Variants in ZNF384 observed in about 807,000 individuals in gnomAD.
ZNF384 encodes the protein CAG repeat protein 1.
In ZNF384, 20 loss-of-function variants were observed where a neutral mutation model predicts 65.0. The observed-to-expected ratio is 0.31, with a 90% confidence interval of 0.22 to 0.45. The LOEUF is 0.45. ZNF384 is among the 20% of genes least tolerant of loss of function. ZNF384 has a pLI of 1.00. For synonymous variants in ZNF384, 310 were observed against 303.9 expected (o/e 1.02, Z -0.21); for missense variants, 549 against 769.4 (o/e 0.71, Z 3.39).
chr12:6,679,353 G>C (rs1007096206), intron 3 of ZNF384, 102 bp downstream of exon 3: 2 of 1,286,314 alleles, frequency 1.6e-6, no homozygotes, highest in Admixed American at 3.8e-5. Context: ...AATTCTCAGG[G>C]GTGGGGGACC....
At chr12:6,683,661 C>CAAAAAA (rs550687196) in intron 2 of ZNF384, among the ~76,000 whole-genome samples, 17 of 66,656 alleles carry the variant, frequency 2.6e-4, no homozygotes, top group African/African-American at 6.5e-4. Flanking sequence ...GACCCTGTCT[C>CAAAAAA]AAAAAAAAAA....
chr12:6,667,863 G>A lies in ZNF384; in HGVS notation c.1678C>T (p.Gln560Ter). ...PHFQSPGAAP[Q>*]GGGGGDSNPN... ...TTGCTGTCCCCACCACCCCCACCCT[G>A]GGGGGCTGCCCCAGGAGACTGGAAG... The change falls in exon 12 of 12, where the codon CAG (glutamine) becomes TAG (stop). Residue 560 changes from glutamine to a stop codon, truncating the protein, a stop_gained. Transcript: ENST00000683879. LOFTEE classifies it high-confidence loss of function. 6.2e-7 allele frequency: 1 copy of A among 1,614,068 alleles called. No individual in the cohort carries two copies. Among genetic ancestry groups the A allele is most frequent in the Non-Finnish European group, 8.5e-7 (1 of 1,179,994 alleles).
At chr12:6,683,766 C>A (rs1201748724) in intron 2 of ZNF384, among the ~76,000 whole-genome samples, 1 of 151,936 alleles carries the variant, frequency 6.6e-6, no homozygotes, top group Non-Finnish European at 1.5e-5. Context: ...TGCCTGCAAT[C>A]CCAGCACTTT....
intron 2 of ZNF384, among the ~76,000 whole-genome samples, chr12:6,686,424 T>C (rs1326121992): frequency 6.6e-6 from 1 of 152,214 alleles, no homozygotes; most frequent in East Asian, 1.9e-4. Context: ...TGGATAATTT[T>C]TGTATTTCTA....
At chr12:6,682,029 T>C (rs1457206149) in intron 2 of ZNF384, among the ~76,000 whole-genome samples, 1 of 151,466 alleles carries the variant, frequency 6.6e-6, no homozygotes, top group Non-Finnish European at 1.5e-5. Context: ...TGGTGGCTCA[T>C]GCTTGTAATC....
Position 6,672,093 on chromosome 12 carries a change from C to G in ZNF384, c.1187+257G>C. 2.4e-6 allele frequency: 1 copy of G among 423,428 alleles called. No individual in the cohort carries two copies. Among genetic ancestry groups the G allele is most frequent in the Admixed American group, 3.9e-5 (1 of 25,722 alleles). 26.2% of individuals were successfully genotyped at this position (423,428 alleles called of 1,614,324 possible). ...AGAAAAGTTGTTTCTACTCCAGGTA[C>G]GTGTCTGTCTCCCATGGATCAGTGA... On this transcript the variant is annotated intron_variant, in intron 9 of 11. Transcript: ENST00000683879. The surrounding 1 kb of genome is among the most constrained non-coding windows in gnomAD (Gnocchi z 4.4).
Position 6,666,696 on chromosome 12 carries a change from G to C in ZNF384, c.*1018C>G, listed in dbSNP as rs989998434. The stretch of plus-strand genomic sequence containing the variant: ...GGCTAGAGGACAGGGGTGGAGAGAG[G>C]GAAAAAAAGGACAAAAATAAACAAA... On this transcript the variant is annotated 3_prime_UTR_variant, in exon 12 of 12. Transcript: ENST00000683879. 1 of 167,584 alleles carries C rather than the reference G, an allele frequency of 6.0e-6. No homozygotes were observed. Among genetic ancestry groups the C allele is most frequent in the African/African-American group, 2.4e-5 (1 of 40,876 alleles). The allele number at this position is 167,584 out of a possible 1,614,324, so 10.4% of individuals were successfully genotyped here. A position where few individuals can be genotyped will look rare whatever the true frequency, so the allele number is the denominator to read the frequency against.
chr12:6,676,163 G>A (rs1481156278), intron 7 of ZNF384, among the ~76,000 whole-genome samples: 4 of 152,138 alleles, frequency 2.6e-5, no homozygotes, highest in African/African-American at 4.8e-5. Flanking sequence ...TTAGCTGGGC[G>A]TGGTGGCGCA....
rs1433720183 is a variant in ZNF384, at chr12:6,673,114, G to A, written c.1004+102C>T. On this transcript the variant is annotated intron_variant, in intron 8 of 11. Transcript: ENST00000683879. This position sits in a 1 kb window ranked among gnomAD's most constrained non-coding sequence, Gnocchi z 4.7. ...AGGTTGAGGCTACCAATGGGCAAAG[G>A]TGAAAGGGAAAGAATAATACATGTG... 10 of 1,107,012 alleles carry A rather than the reference G, an allele frequency of 9.0e-6. No individual in the cohort carries two copies. In the East Asian group the frequency reaches 2.6e-4, roughly 29 times the overall value. 68.6% of individuals were successfully genotyped at this position (1,107,012 alleles called of 1,614,324 possible).
chr12:6,678,592 T>C lies in ZNF384; in HGVS notation c.352+71A>G, dbSNP rs115714712. The C allele has an allele frequency of 1.9e-3, 2,900 of 1,521,700 alleles. 42 individuals carry two copies. The African/African-American group carries it at 0.028, about 15-fold the overall frequency. 94.3% of individuals were successfully genotyped at this position (1,521,700 alleles called of 1,614,324 possible). On this transcript the variant is annotated intron_variant, in intron 5 of 11. Transcript: ENST00000683879. The surrounding 1 kb of genome is among the most constrained non-coding windows in gnomAD (Gnocchi z 4.9). ...GACCCAACCCAGAGTACACAGGAAA[T>C]CCCAAACCCTGTAGAAAAATAATGG...
chr12:6,683,886 G>A (rs970060615), intron 2 of ZNF384, among the ~76,000 whole-genome samples: 14 of 150,866 alleles, frequency 9.3e-5, no homozygotes, highest in Non-Finnish European at 1.9e-4. Flanking sequence ...GCATGGTGGC[G>A]CACGCCTGTA....
intron 2 of ZNF384, among the ~76,000 whole-genome samples, chr12:6,682,000 G>A (rs1331917866): frequency 6.6e-6 from 1 of 151,972 alleles, no homozygotes; most frequent in African/African-American, 2.4e-5. Flanking sequence ...GCTTTACAAA[G>A]GGGTCTTACG....
intron 7 of ZNF384, among the ~76,000 whole-genome samples, chr12:6,674,083 C>A (rs570968012): frequency 9.2e-5 from 14 of 152,158 alleles, no homozygotes; most frequent in Non-Finnish European, 1.9e-4. Context: ...AGCCCCTTGA[C>A]AATCAAGTGA....
At position 6,682,319 on chromosome 12, in the gene ZNF384, C is replaced by CCAAAACAAAA. The variant is rs55997836; in HGVS notation, c.-5-2804_-5-2795dup. ...TGGGTAACAGAGCAAGACCCCAACT[C>CCAAAACAAAA]CAAAACAAAACAAAACAAAACAAAA... On this transcript the variant is annotated intron_variant, in intron 2 of 11. Coordinates refer to ENST00000683879, the MANE Select transcript of ZNF384 (RefSeq NM_001385745.1). Among the ~76,000 whole-genome samples, 845 of 140,676 alleles carry CCAAAACAAAA rather than the reference C, an allele frequency of 6.0e-3. 7 individuals are homozygous for CCAAAACAAAA. Among genetic ancestry groups the CCAAAACAAAA allele is most frequent in the East Asian group, 0.014 (67 of 4,724 alleles). 92.3% of individuals were successfully genotyped at this position (140,676 alleles called of 152,430 possible).
In ZNF384 at chr12:6,666,727, A is replaced by G. The variant is rs903554247; in HGVS notation, c.*987T>C. The G allele has an allele frequency of 1.2e-5, 2 of 171,238 alleles. No individual in the cohort carries two copies. The highest frequency in any genetic ancestry group is 2.5e-5 in the Non-Finnish European group (2 of 79,406). The allele number at this position is 171,238 out of a possible 1,614,324, so 10.6% of individuals were successfully genotyped here. ...AAAGGACAAAAATAAACAAAACATC[A>G]AATATGAAAATTCTCAGAGATAATG... On this transcript the variant is annotated 3_prime_UTR_variant, in exon 12 of 12. Transcript: ENST00000683879.
intron 10 of ZNF384, among the ~76,000 whole-genome samples, chr12:6,669,922 A>G (rs1035458426): frequency 2.4e-4 from 36 of 151,142 alleles, no homozygotes; most frequent in African/African-American, 8.0e-4. Flanking sequence ...CCTCTGTCTC[A>G]AACACGCACA....
At chr12:6,669,568 C>T (rs887253700) in intron 10 of ZNF384, among the ~76,000 whole-genome samples, 2 of 151,642 alleles carry the variant, frequency 1.3e-5, no homozygotes, top group Non-Finnish European at 2.9e-5. Context: ...GGCACAATCT[C>T]GGCTCATTGC....
chr12:6,683,836 G>A lies in ZNF384; in HGVS notation c.-5-4311C>T, dbSNP rs575842544. ...GTTCAAGACCAGTCTGGCCAAGATGGTGAAACCTTGTCTCTACTGAAAGTA... is the reference window on the plus strand; with the variant it reads ...GTTCAAGACCAGTCTGGCCAAGATGATGAAACCTTGTCTCTACTGAAAGTA... On this transcript the variant is annotated intron_variant, in intron 2 of 11. Transcript: ENST00000683879. Among the ~76,000 whole-genome samples, 25 of 152,184 alleles carry A rather than the reference G, an allele frequency of 1.6e-4. 1 individual carries two copies. In the South Asian group the frequency reaches 4.8e-3, roughly 29 times the overall value.
At position 6,672,459 on chromosome 12, in the gene ZNF384, T is replaced by G. The variant is rs775955226; in HGVS notation, c.1078A>C (p.Thr360Pro). The part of the protein sequence containing the change: ...CPHCSKTFAN[T>P]SYLAQHLRIH... ...CGGAGGTGCTGGGCCAGGTAGGAGG[T>G]GTTGGCGAAGGTCTTGGAGCAGTGC... The change falls in exon 9 of 12, where the codon ACC becomes CCC. Residue 360 changes from threonine to proline, a missense_variant. Coordinates refer to ENST00000683879, the MANE Select transcript of ZNF384 (RefSeq NM_001385745.1). This position sits in a 1 kb window ranked among gnomAD's most constrained non-coding sequence, Gnocchi z 4.4. 6.2e-7 allele frequency: 1 copy of G among 1,613,490 alleles called. No individual in the cohort carries two copies. Among genetic ancestry groups the G allele is most frequent in the South Asian group, 1.1e-5 (1 of 91,020 alleles).
Sources: allele counts gnomAD v4.1 joint callset (sites outside exome capture counted in the v4.1 genomes callset), GRCh38; gene constraint gnomAD v4.1.1; non-coding constraint Gnocchi (gnomAD v3.1); transcripts MANE v1.5; gene names NCBI Gene and HGNC (gene_info 2026-07-23, HGNC 2026-07-21).